The following KIF22 variants were observed in gnomAD, a reference collection of about 807,000 sequenced individuals.
The protein encoded by KIF22 is kinesin-like protein KIF22.
A neutral mutation model predicts 73.0 loss-of-function variants in KIF22; 62 were observed. The observed-to-expected ratio is 0.85, with a 90% confidence interval of 0.69 to 1.05. The LOEUF is 1.05. Ranked by LOEUF, KIF22 falls within the 50% of genes least tolerant of loss-of-function variation. KIF22 has a pLI of 0.00. For missense variants in KIF22, 854 were observed against 870.1 expected, an observed-to-expected ratio of 0.98 and a Z score of 0.23; for synonymous variants, 411 against 340.1, an observed-to-expected ratio of 1.21 and a Z score of -2.29.
chr16:29,798,434 G>T lies in KIF22; in HGVS notation c.327G>T (p.Gln109His). ...TQQDIYAGSV[Q>H]PILRHLLEGQ... ...AGGACATCTATGCAGGTTCAGTGCA[G>T]CCCATCCTAAGGCACTTGCTGGAAG... The change falls in exon 3 of 14, where the codon CAG becomes CAT. Residue 109 changes from glutamine (Q) to histidine (H), a missense_variant. Transcript: ENST00000160827. The surrounding 1 kb of genome is among the most constrained non-coding windows in gnomAD (Gnocchi z 4.1). 6.2e-7 allele frequency: 1 copy of T among 1,614,068 alleles called. No homozygotes were observed. Among genetic ancestry groups the T allele is most frequent in the Non-Finnish European group, 8.5e-7 (1 of 1,180,040 alleles).
rs1194046221 is a variant in KIF22 at position 29,803,362 on chromosome 16, G to A, written c.1450-87G>A. 9.8e-6 allele frequency: 15 copies of A among 1,523,224 alleles called. No individual in the cohort carries two copies. The East Asian group carries it at 3.2e-4, about 32-fold the overall frequency. 94.4% of individuals were successfully genotyped at this position (1,523,224 alleles called of 1,614,324 possible). A position where few individuals can be genotyped will look rare whatever the true frequency, so the allele number is the denominator to read the frequency against. On this transcript the variant is annotated intron_variant, in intron 9 of 13. Coordinates refer to ENST00000160827, the MANE Select transcript of KIF22 (RefSeq NM_007317.3). ...TAGCCCTGCCCTCTGGGGGCTCAGA[G>A]CCTTGCATACTCACCCTGGTAACCC...
In KIF22 at chr16:29,803,565, G is replaced by T. The variant is rs763634593; in HGVS notation, c.1566G>T (p.Gly522=). The change falls in exon 10 of 14, where the codon GGG becomes GGT. Residue 522 remains glycine (G), a synonymous_variant. Transcript: ENST00000160827. ...LRPLSHRTVT[G]AKPLKKAVVM... ...CCCTTTCACATCGCACAGTCACAGG[G>T]GCAAAGCCCCTGAAAAAGGCTGTGG... 6.2e-7 allele frequency: 1 copy of T among 1,613,302 alleles called. No homozygotes were observed.
Position 29,799,724 on chromosome 16 carries a change from G to A in KIF22, c.1087G>A (p.Ala363Thr), listed in dbSNP as rs756450139. ...CACAGTCTCCGCACTCAACTTTGCT[G>A]CCAGGTCCAAGGAGGTGATCAATCG... ...LDTVSALNFAARSKEVINRPF... is the reference protein window; with the variant it reads ...LDTVSALNFATRSKEVINRPF... The change falls in exon 7 of 14, where the codon GCC becomes ACC. Residue 363 changes from alanine to threonine, a missense_variant. Physicochemically the swap from Ala to Thr is moderately conservative, Grantham distance 58. This residue lies in a region of KIF22 where 245 missense variants were observed against 351.8 expected (regional missense o/e 0.70). Coordinates refer to ENST00000160827, the MANE Select transcript of KIF22 (RefSeq NM_007317.3). The A allele has an allele frequency of 1.0e-4, 166 of 1,613,222 alleles. 1 individual carries two copies. In the East Asian group the frequency reaches 3.7e-3, roughly 36 times the overall value.
chr16:29,804,465 C>T (rs1306299958), intron 11 of KIF22: 11 of 638,606 alleles, frequency 1.7e-5, no homozygotes, highest in East Asian at 3.0e-5. Flanking sequence ...ATATTACTTT[C>T]TCCCATGTAC....
At position 29,798,732 on chromosome 16, in the gene KIF22, G is replaced by A. The variant is rs1056247785; in HGVS notation, c.534G>A (p.Glu178=). ...TTTCTGTCACCATGTCTTACCTAGA[G>A]ATCTACCAGGAGAAGGTGAGGCCCC... ...WALSVTMSYL[E]IYQEKVLDLL... Residue 178 remains glutamate (E), a synonymous_variant, in exon 4 of 14, where the codon GAG becomes GAA. Transcript: ENST00000160827. This position sits in a 1 kb window ranked among gnomAD's most constrained non-coding sequence, Gnocchi z 4.1. 6.2e-7 allele frequency: 1 copy of A among 1,613,870 alleles called. No individual in the cohort carries two copies. The highest frequency in any genetic ancestry group is 1.3e-5 in the African/African-American group (1 of 74,904).
At chr16:29,792,279 A>G (rs998912134) in intron 1 of KIF22, among the ~76,000 whole-genome samples, 1 of 152,240 alleles carries the variant, frequency 6.6e-6, no homozygotes, top group African/African-American at 2.4e-5. Context: ...TCCAAGCTCA[A>G]GGTTGCTTTT....
chr16:29,800,112 G>A, intron 8 of KIF22, 64 bp downstream of exon 8: 1 of 1,521,486 alleles, frequency 6.6e-7, no homozygotes, highest in Non-Finnish European at 8.8e-7. Context: ...GAGCTGCAAT[G>A]CCCGTCAGAT....
rs746281427 is a variant in KIF22, at chr16:29,805,132, C to T, written c.1908C>T (p.Arg636=). 9 of 1,613,518 alleles carry T rather than the reference C, an allele frequency of 5.6e-6. No homozygotes were observed. The highest frequency in any genetic ancestry group is 4.0e-5 in the African/African-American group (3 of 74,756). The part of the protein sequence containing the change: ...GPFSQVEDLE[R]VEGITGKQME... Reference sequence around the variant, plus strand: ...CCCGCCAGGTGGAGGACCTGGAACGCGTGGAGGGCATAACGGGGAAACAGA... The same window carrying T: ...CCCGCCAGGTGGAGGACCTGGAACGTGTGGAGGGCATAACGGGGAAACAGA... The change falls in exon 13 of 14, where the codon CGC becomes CGT. Residue 636 remains arginine (R), a synonymous_variant. Transcript: ENST00000160827.
In KIF22 at chr16:29,803,445, A is replaced by G. The variant is rs1899213095; in HGVS notation, c.1450-4A>G. 2.5e-6 allele frequency: 4 copies of G among 1,613,942 alleles called. No homozygotes were observed. The highest frequency in any genetic ancestry group is 3.4e-6 in the Non-Finnish European group (4 of 1,179,956). ...GATCACATCTCCCTGATCCTTTCCA[A>G]CAGAGGCTTAAGACGAAGCAAAAAG... On this transcript the variant is annotated splice_polypyrimidine_tract_variant and splice_region_variant and intron_variant, in intron 9 of 13. Transcript: ENST00000160827.
rs1899243359 is a variant in KIF22 at position 29,804,063 on chromosome 16, A to G, written c.1675A>G (p.Lys559Glu). 6.2e-7 allele frequency: 1 copy of G among 1,613,098 alleles called. No homozygotes were observed. The highest frequency in any genetic ancestry group is 8.5e-7 in the Non-Finnish European group (1 of 1,179,188). ...CCTGAAGAATAAAGGCCGGAAGAGAAAGGTGAAAGTAGCTGGGGGCTTAGG... is the reference window on the plus strand; with the variant it reads ...CCTGAAGAATAAAGGCCGGAAGAGAGAGGTGAAAGTAGCTGGGGGCTTAGG... ...HILKNKGRKR[K>E]LESLDALEPE... Residue 559 changes from lysine (K) to glutamate (E), a missense_variant and splice_region_variant, in exon 11 of 14, where the codon AAG (lysine) becomes GAG (glutamate). Around this residue, in one of 3 missense-constraint regions of KIF22, gnomAD observed 423 missense variants for 365.4 expected, o/e 1.16. Transcript: ENST00000160827.
chr16:29,799,291 T>C lies in KIF22; in HGVS notation c.787T>C (p.Phe263Leu). 6.2e-7 allele frequency: 1 copy of C among 1,614,018 alleles called. No individual in the cohort carries two copies. Among genetic ancestry groups the C allele is most frequent in the Non-Finnish European group, 8.5e-7 (1 of 1,179,942 alleles). Residue 263 changes from phenylalanine (F) to leucine (L), a missense_variant, in exon 6 of 14, where the codon TTT becomes CTT. Phe to Leu is a conservative substitution (Grantham distance 22). Coordinates refer to ENST00000160827, the MANE Select transcript of KIF22 (RefSeq NM_007317.3). ...KVDQRERLAP[F>L]RQREGKLYLI... ...GGACCAGCGGGAACGTTTGGCCCCA[T>C]TTCGCCAGCGAGAGGGAAAACTCTA...
chr16:29,796,152 T>A (rs1443721409), intron 1 of KIF22, among the ~76,000 whole-genome samples: 3 of 151,172 alleles, frequency 2.0e-5, no homozygotes, highest in Non-Finnish European at 4.4e-5. Context: ...GGACCTGTAA[T>A]CCCAGCTACT....
chr16:29,804,916 G>A lies in KIF22; in HGVS notation c.1780G>A (p.Asp594Asn), dbSNP rs146561986. The change falls in exon 12 of 14, where the codon GAT becomes AAT. Residue 594 changes from aspartate to asparagine, a missense_variant. This residue lies in a region of KIF22 where 423 missense variants were observed against 365.4 expected (regional missense o/e 1.16). Transcript: ENST00000160827. ...LLAHGRQKIL[D>N]LLNEGSARDL... ...GGCTCATGGGCGCCAAAAAATACTG[G>A]ATCTGCTGAACGAAGGCTCAGCCCG... The A allele has an allele frequency of 2.4e-3, 3,842 of 1,613,910 alleles. 12 individuals carry two copies. The highest frequency in any genetic ancestry group is 3.2e-3 in the Admixed American group (195 of 60,012).
rs773802419 is a variant in KIF22, at chr16:29,799,999, G to A, written c.1231G>A (p.Gly411Arg). The A allele has an allele frequency of 8.1e-6, 13 of 1,613,850 alleles. No homozygotes were observed. Among genetic ancestry groups the A allele is most frequent in the South Asian group, 5.5e-5 (5 of 91,078 alleles). ...CCGAGGCCCTGAGGAAGAGGAGATC[G>A]GGAGCCCTGAGCCCATGGCAGCTCC... ...RARGPEEEEI[G>R]SPEPMAAPAS... The change falls in exon 8 of 14, where the codon GGG (glycine) becomes AGG (arginine). Residue 411 changes from glycine (G) to arginine (R), a missense_variant. Physicochemically the swap from Gly to Arg is moderately radical, Grantham distance 125 (BLOSUM62 -2). This residue lies in a region of KIF22 where 423 missense variants were observed against 365.4 expected (regional missense o/e 1.16). Transcript: ENST00000160827.
rs374328724 is a variant in KIF22, at chr16:29,805,249, C to T, written c.1951-14C>T. 27 of 1,614,208 alleles carry T rather than the reference C, an allele frequency of 1.7e-5. No individual in the cohort carries two copies. The highest frequency in any genetic ancestry group is 1.6e-4 in the African/African-American group (12 of 75,082). Reference sequence around the variant, plus strand: ...CTCTCTAACGTCGCTGTCTCCCTCCCTCCTGTGTTGCAGGCAAACATCCTG... The same window carrying T: ...CTCTCTAACGTCGCTGTCTCCCTCCTTCCTGTGTTGCAGGCAAACATCCTG... On this transcript the variant is annotated splice_polypyrimidine_tract_variant and intron_variant, in intron 13 of 13. Coordinates refer to ENST00000160827, the MANE Select transcript of KIF22 (RefSeq NM_007317.3).
Position 29,799,301 on chromosome 16 carries a change from G to T in KIF22, c.797G>T (p.Arg266Leu), listed in dbSNP as rs772915372. 1.9e-6 allele frequency: 3 copies of T among 1,614,040 alleles called. No homozygotes were observed. The highest frequency in any genetic ancestry group is 2.5e-6 in the Non-Finnish European group (3 of 1,180,028). ...QRERLAPFRQ[R>L]EGKLYLIDLA... The stretch of plus-strand genomic sequence containing the variant: ...GAACGTTTGGCCCCATTTCGCCAGC[G>T]AGAGGGAAAACTCTACCTGATTGAC... The change falls in exon 6 of 14, where the codon CGA becomes CTA. Residue 266 changes from arginine to leucine, a missense_variant. This residue lies in a region of KIF22 where 245 missense variants were observed against 351.8 expected (regional missense o/e 0.70). Transcript: ENST00000160827.
chr16:29,805,055 G>A (rs1303302634), intron 12 of KIF22, 29 bp downstream of exon 12: 8 of 1,610,956 alleles, frequency 5.0e-6, no homozygotes, highest in Admixed American at 1.7e-5. Context: ...GGGGGAGGGC[G>A]GGGGCGGGGG....
chr16:29,802,244 G>A (rs1899163805), intron 8 of KIF22, among the ~76,000 whole-genome samples: 1 of 147,124 alleles, frequency 6.8e-6, no homozygotes, highest in Non-Finnish European at 1.5e-5. Flanking sequence ...CTCCAGCCTG[G>A]GTGACAGAGC....
rs370334885 is a variant in KIF22, at chr16:29,799,322, T to C, written c.818T>C (p.Ile273Thr). ...CAGCGAGAGGGAAAACTCTACCTGA[T>C]TGACTTGGCTGGGTCAGAGGACAAC... is the stretch of plus-strand genomic sequence containing the variant. ...FRQREGKLYL[I>T]DLAGSEDNRR... Residue 273 changes from isoleucine to threonine, a missense_variant, in exon 6 of 14, where the codon ATT becomes ACT. By Grantham distance (89) the Ile-to-Thr change is moderately conservative. This residue lies in a region of KIF22 where 245 missense variants were observed against 351.8 expected (regional missense o/e 0.70). Coordinates refer to ENST00000160827, the MANE Select transcript of KIF22 (RefSeq NM_007317.3). The C allele has an allele frequency of 6.4e-5, 103 of 1,614,056 alleles. No homozygotes were observed. Among genetic ancestry groups the C allele is most frequent in the Non-Finnish European group, 8.3e-5 (98 of 1,180,030 alleles).
Sources: allele counts gnomAD v4.1 joint callset (sites outside exome capture counted in the v4.1 genomes callset), GRCh38; gene constraint gnomAD v4.1.1; regional missense constraint gnomAD v4.1.1; non-coding constraint Gnocchi (gnomAD v3.1); transcripts MANE v1.5; gene names NCBI Gene and HGNC (gene_info 2026-07-23, HGNC 2026-07-21).